LINGO2: variants seen among roughly 807,000 people sequenced by gnomAD.
LINGO2 encodes leucine-rich repeat and immunoglobulin-like domain-containing nogo receptor-interacting protein 2.
Under a neutral mutation model 30.6 loss-of-function variants are expected in LINGO2, and 14 were observed. The observed-to-expected ratio is 0.46, with a 90% CI of 0.30 to 0.72. The LOEUF is 0.72. LINGO2 is among the 30% of genes least tolerant of loss of function. LINGO2 has a pLI of 0.07. For missense variants in LINGO2, 729 were observed against 751.7 expected, an observed-to-expected ratio of 0.97 and a Z score of 0.35; for synonymous variants, 317 against 288.5, an observed-to-expected ratio of 1.10 and a Z score of -1.00.
At chr9:28,540,931 TA>T (rs1758900333) in intron 1 of LINGO2, among the ~76,000 whole-genome samples, 1 of 152,194 alleles carries the variant, frequency 6.6e-6, no homozygotes, top group African/African-American at 2.4e-5. Context: ...GTAGTTCAGT[TA>T]AAAACAAAGT....
the LINGO2 span, among the ~76,000 whole-genome samples, chr9:28,786,050 G>A: frequency 6.6e-6 from 1 of 152,084 alleles, no homozygotes; most frequent in Non-Finnish European, 1.5e-5. Flanking sequence ...TCACTCATAG[G>A]TCATTGTTCT....
At chr9:29,060,283 A>G in the LINGO2 span, among the ~76,000 whole-genome samples, 1 of 152,010 alleles carries the variant, frequency 6.6e-6, no homozygotes, top group African/African-American at 2.4e-5. Context: ...AAAAAAGAAA[A>G]AAGCTAAAAA....
chr9:28,926,050 C>G, the LINGO2 span, among the ~76,000 whole-genome samples: 7 of 152,190 alleles, frequency 4.6e-5, no homozygotes, highest in African/African-American at 1.7e-4. Context: ...TGTGGTGGCT[C>G]ACACCTATAA....
At chr9:28,979,827 G>A in the LINGO2 span, among the ~76,000 whole-genome samples, 2 of 151,904 alleles carry the variant, frequency 1.3e-5, no homozygotes, top group African/African-American at 4.8e-5. Flanking sequence ...ATAATATATC[G>A]CTTTTTGATA....
chr9:29,020,474 T>C, the LINGO2 span, among the ~76,000 whole-genome samples: 1 of 152,220 alleles, frequency 6.6e-6, no homozygotes, highest in East Asian at 1.9e-4. Context: ...GTAGTTTATA[T>C]ACAGTAAGTA....
At chr9:28,838,426 C>T in the LINGO2 span, among the ~76,000 whole-genome samples, 4 of 152,058 alleles carry the variant, frequency 2.6e-5, no homozygotes, top group African/African-American at 7.2e-5. Context: ...TCAGTTTTAA[C>T]TTTGAATATG....
At chr9:28,374,004 G>C (rs1426496691) in intron 2 of LINGO2, among the ~76,000 whole-genome samples, 2 of 151,568 alleles carry the variant, frequency 1.3e-5, no homozygotes, top group East Asian at 3.9e-4. Context: ...GTATGACACA[G>C]ATGCATGTTA....
chr9:28,039,772 T>G (rs1188774424), intron 4 of LINGO2, among the ~76,000 whole-genome samples: 1 of 152,314 alleles, frequency 6.6e-6, no homozygotes, highest in Non-Finnish European at 1.5e-5. Flanking sequence ...GTCTCCCAAT[T>G]AAAATTCTGT....
intron 3 of LINGO2, among the ~76,000 whole-genome samples, chr9:28,359,131 A>C (rs962681301): frequency 6.6e-6 from 1 of 152,200 alleles, no homozygotes; most frequent in African/African-American, 2.4e-5. Context: ...GACTGCAAAG[A>C]GGACATCTGT....
the LINGO2 span, among the ~76,000 whole-genome samples, chr9:29,071,154 T>TTATTTTATTGTATTGTATTG: frequency 7.3e-6 from 1 of 137,752 alleles, no homozygotes; most frequent in Non-Finnish European, 1.5e-5. Flanking sequence ...TCACAGAGAA[T>TTATTTTATTGTATTGTATTG]TATTGTATTG....
intron 4 of LINGO2, among the ~76,000 whole-genome samples, chr9:28,077,870 C>T (rs1006565078): frequency 6.7e-6 from 1 of 148,804 alleles, no homozygotes; most frequent in Non-Finnish European, 1.5e-5. Flanking sequence ...GCTCAATTTT[C>T]AGTTACTTGT....
At chr9:28,500,045 T>C (rs1819822903) in intron 1 of LINGO2, among the ~76,000 whole-genome samples, 1 of 152,148 alleles carries the variant, frequency 6.6e-6, no homozygotes, top group Admixed American at 6.6e-5. Flanking sequence ...GCAACCTCCG[T>C]CTCTAGTTCT....
At chr9:28,219,806 A>G (rs964804585) in intron 4 of LINGO2, among the ~76,000 whole-genome samples, 19 of 152,170 alleles carry the variant, frequency 1.2e-4, no homozygotes, top group African/African-American at 4.3e-4. Context: ...TTATATTGTG[A>G]AATGCTACAT....
intron 4 of LINGO2, among the ~76,000 whole-genome samples, chr9:28,086,721 A>T (rs892486208): frequency 2.6e-5 from 4 of 152,080 alleles, no homozygotes; most frequent in Admixed American, 2.0e-4. Flanking sequence ...GACGAGTGAG[A>T]GTGAAAAACT....
At chr9:28,603,972 T>C (rs1825599105) in intron 1 of LINGO2, among the ~76,000 whole-genome samples, 1 of 152,112 alleles carries the variant, frequency 6.6e-6, no homozygotes, top group Admixed American at 6.6e-5. Flanking sequence ...TCTACTTCAG[T>C]GTTTTACTCT....
chr9:28,584,583 C>T (rs1331123399), intron 1 of LINGO2, among the ~76,000 whole-genome samples: 2 of 152,050 alleles, frequency 1.3e-5, no homozygotes, highest in African/African-American at 4.8e-5. Flanking sequence ...GAAATAAATA[C>T]ACTATTACTT....
At chr9:28,206,680 A>G (rs1410680462) in intron 4 of LINGO2, among the ~76,000 whole-genome samples, 3 of 152,346 alleles carry the variant, frequency 2.0e-5, no homozygotes, top group East Asian at 1.9e-4. Flanking sequence ...TTTAAAATGC[A>G]TAAGTCACAA....
chr9:28,435,460 A>T (rs1193944243), intron 2 of LINGO2, among the ~76,000 whole-genome samples: 1 of 152,322 alleles, frequency 6.6e-6, no homozygotes, highest in East Asian at 1.9e-4. Context: ...CATGCCATGT[A>T]ATAGAAAAAT....
the LINGO2 span, among the ~76,000 whole-genome samples, chr9:28,897,369 G>A: frequency 9.2e-5 from 14 of 152,048 alleles, no homozygotes; most frequent in Non-Finnish European, 1.8e-4. Context: ...TCCTTGATAG[G>A]CACATAGAAA....
Sources: allele counts gnomAD v4.1 joint callset (sites outside exome capture counted in the v4.1 genomes callset), GRCh38; gene constraint gnomAD v4.1.1; transcripts MANE v1.5; gene names NCBI Gene and HGNC (gene_info 2026-07-23, HGNC 2026-07-21).